ZNF738: variants seen among roughly 807,000 people sequenced by gnomAD.
ZNF738 encodes the protein protein ZNF738.
In ZNF738, 10 loss-of-function variants were observed where a neutral mutation model predicts 9.2. The observed-to-expected ratio is 1.09, with a 90% CI of 0.67 to 1.85. The LOEUF is 1.85. Among genes scored for constraint, ZNF738 ranks in the 40% most tolerant of loss-of-function variants. The pLI, the probability that ZNF738 is intolerant of heterozygous loss-of-function variation, is 0.00. For synonymous variants in ZNF738, 113 were observed against 94.5 expected (o/e 1.20, Z -1.14); for missense variants, 346 against 283.6 (o/e 1.22, Z -1.58).
intron 2 of ZNF738, among the ~76,000 whole-genome samples, chr19:21,370,566 G>A (rs1187283633): frequency 1.3e-5 from 2 of 152,044 alleles, no homozygotes; most frequent in East Asian, 3.8e-4. Context: ...TTTGGAGCTC[G>A]TTATTGGTAT....
chr19:21,381,515 A>G (rs1974004090), intron 4 of ZNF738: 4 of 867,750 alleles, frequency 4.6e-6, no homozygotes, highest in Middle Eastern at 7.2e-4. Context: ...TTTTTTCGAG[A>G]TGGAGTCTCA....
intron 2 of ZNF738, among the ~76,000 whole-genome samples, chr19:21,365,956 C>A (rs201440936): frequency 1.0e-4 from 15 of 143,564 alleles, no homozygotes; most frequent in African/African-American, 1.5e-4. Flanking sequence ...GACTCCATCT[C>A]AAAAAAAAAA....
intron 4 of ZNF738, chr19:21,381,854 G>C: frequency 1.4e-5 from 4 of 278,172 alleles, no homozygotes; most frequent in Non-Finnish European, 7.3e-6. Flanking sequence ...GGTGAGGGCG[G>C]CCTGGGTGGG....
Position 21,361,836 on chromosome 19 carries a change from T to C in ZNF738, c.74T>C (p.Leu25Pro), listed in dbSNP as rs763415697. The change falls in exon 2 of 5, where the codon CTG becomes CCG. Residue 25 changes from leucine to proline, a missense_variant. By Grantham distance (98) the Leu-to-Pro change is moderately conservative. Transcript: ENST00000683779. ...TACCCTGGGGCTGAGAGGAATCTTC[T>C]GGAGTACTCTTATTTTGAAAAGGTA... ...SGYPGAERNL[L>P]EYSYFEKGPL... The C allele has an allele frequency of 9.0e-6, 7 of 780,496 alleles. No homozygotes were observed. In the South Asian group the frequency reaches 9.4e-5, roughly 10 times the overall value. 48.3% of individuals were successfully genotyped at this position (780,496 alleles called of 1,614,324 possible). A position where few individuals can be genotyped will look rare whatever the true frequency, so the allele number is the denominator to read the frequency against.
intron 4 of ZNF738, chr19:21,381,424 A>G (rs1249262403): frequency 1.3e-6 from 2 of 1,502,198 alleles, no homozygotes; most frequent in African/African-American, 1.4e-5. Context: ...ATTCTAGAGT[A>G]TAAGAAAGGC....
At chr19:21,361,952 A>G in intron 2 of ZNF738, 94 bp downstream of exon 2, 4 of 621,536 alleles carry the variant, frequency 6.4e-6, no homozygotes, top group South Asian at 5.5e-5. Context: ...ATGGTGGTGC[A>G]TGCCTGAATT....
chr19:21,361,580 T>C (rs1447995257), intron 1 of ZNF738, among the ~76,000 whole-genome samples, 186 bp from the exon 2 acceptor site: 1 of 152,216 alleles, frequency 6.6e-6, no homozygotes, highest in Non-Finnish European at 1.5e-5. Context: ...AGAGATGTTA[T>C]CGGAATTTTT....
chr19:21,378,363 T>G lies in ZNF738; in HGVS notation c.319+2399T>G, dbSNP rs561236714. The G allele has an allele frequency of 1.5e-5, 3 of 194,134 alleles. No individual in the cohort carries two copies. The South Asian group carries it at 5.8e-4, about 37-fold the overall frequency. The allele number at this position is 194,134 out of a possible 1,614,324, so 12.0% of individuals were successfully genotyped here. On this transcript the variant is annotated intron_variant, in intron 4 of 4. Transcript: ENST00000683779. ...CTTTGTTAAATCATCTTATTTTCAT[T>G]GGAAGCAACTGTTTTCAGCACCTTT... is the stretch of plus-strand genomic sequence containing the variant.
chr19:21,381,676 G>C (rs1974006363), intron 4 of ZNF738: 5 of 409,912 alleles, frequency 1.2e-5, no homozygotes, highest in Non-Finnish European at 2.2e-5. Context: ...TGTATTTTTA[G>C]TAGAGATGGG....
At chr19:21,382,077 T>TTTTG (rs1974014034) in intron 4 of ZNF738, among the ~76,000 whole-genome samples, 1 of 146,126 alleles carries the variant, frequency 6.8e-6, no homozygotes, top group Non-Finnish European at 1.5e-5. Context: ...TTTTTTTTTT[T>TTTTG]TTTTTTGAGA....
intron 4 of ZNF738, chr19:21,379,256 T>G (rs1338684993): frequency 6.6e-6 from 1 of 152,154 alleles, no homozygotes; most frequent in Non-Finnish European, 1.5e-5. Context: ...GGTACTACAT[T>G]GCCCTGTTTT....
In ZNF738 at chr19:21,375,806, A is replaced by G; in HGVS notation, c.224-63A>G. On this transcript the variant is annotated intron_variant, in intron 3 of 4. Coordinates refer to ENST00000683779, the MANE Select transcript of ZNF738 (RefSeq NM_001355237.2). ...CTATTACCTCCTCTTTACTAAGCAC[A>G]GTAATAGGTAGGTAATTAGAGAATA... The G allele has an allele frequency of 8.4e-6, 6 of 712,292 alleles. No individual in the cohort carries two copies. The Middle Eastern group carries it at 9.7e-4, about 115-fold the overall frequency. 44.1% of individuals were successfully genotyped at this position (712,292 alleles called of 1,614,324 possible).
At chr19:21,361,917 A>G (rs899721147) in intron 2 of ZNF738, 59 bp downstream of exon 2, 11 of 694,476 alleles carry the variant, frequency 1.6e-5, no homozygotes, top group Non-Finnish European at 2.9e-5. Context: ...ATGCTCTACT[A>G]AAAATACAAA....
At chr19:21,361,907 A>G (rs749145385) in intron 2 of ZNF738, 49 bp downstream of exon 2, 2 of 737,216 alleles carry the variant, frequency 2.7e-6, no homozygotes, top group South Asian at 2.9e-5. Context: ...CTTGAAAAAC[A>G]TGCTCTACTA....
chr19:21,377,527 C>G, intron 4 of ZNF738: 1 of 575,708 alleles, frequency 1.7e-6, no homozygotes, highest in Non-Finnish European at 3.1e-6. Flanking sequence ...CACACACACA[C>G]ACACACAAAA....
chr19:21,359,012 C>G lies in ZNF738; in HGVS notation c.-129C>G. The G allele has an allele frequency of 1.3e-6, 1 of 758,926 alleles. No individual in the cohort carries two copies. Among genetic ancestry groups the G allele is most frequent in the Admixed American group, 1.8e-5 (1 of 56,696 alleles). 47.0% of individuals were successfully genotyped at this position (758,926 alleles called of 1,614,324 possible). On this transcript the variant is annotated 5_prime_UTR_variant, in exon 1 of 5. Coordinates refer to ENST00000683779, the MANE Select transcript of ZNF738 (RefSeq NM_001355237.2). ...TGTCCGCTTCTTTGTCTTTGGCTGC[C>G]GCTGGAACTCCGGGTCTCGTCTTCA...
At position 21,387,638 on chromosome 19, in the gene ZNF738, T is replaced by C. The variant is rs1599722708; in HGVS notation, c.*3964T>C. 1.3e-5 allele frequency among the ~76,000 whole-genome samples: 2 copies of C among 152,246 alleles called. No individual in the cohort carries two copies. The highest frequency in any genetic ancestry group is 3.8e-4 in the East Asian group (2 of 5,208). ...ACAGACTGTGAAAAAGACATTAATA[T>C]CTGCTTACATCTTAACACCAGAGAG... On this transcript the variant is annotated 3_prime_UTR_variant, in exon 5 of 5. Transcript: ENST00000683779.
intron 2 of ZNF738, among the ~76,000 whole-genome samples, chr19:21,371,527 G>A (rs1481373804): frequency 6.6e-6 from 1 of 152,180 alleles, no homozygotes; most frequent in Non-Finnish European, 1.5e-5. Flanking sequence ...GAGGAGGTCT[G>A]GTGACTCAAA....
intron 2 of ZNF738, among the ~76,000 whole-genome samples, chr19:21,365,472 G>A (rs1973763891): frequency 6.6e-6 from 1 of 152,032 alleles, no homozygotes. Context: ...GGGTTACAGA[G>A]GAATGAAAAT....
Sources: gnomAD v4.1 joint callset for allele counts (sites outside exome capture counted in the v4.1 genomes callset) on GRCh38, gnomAD v4.1.1 for gene constraint, MANE v1.5 for transcripts, NCBI Gene and HGNC (gene_info 2026-07-23, HGNC 2026-07-21) for gene names.